Variants in COL14A1 observed in about 807,000 individuals in gnomAD.
COL14A1 encodes the protein collagen type XIV alpha 1 chain.
Under a neutral mutation model 230.3 loss-of-function variants are expected in COL14A1, and 136 were observed. That is an observed-to-expected ratio of 0.59 (90% CI 0.51 to 0.68). COL14A1 has a LOEUF of 0.68. COL14A1 is among the 30% of genes least tolerant of loss of function. The probability of loss-of-function intolerance (pLI) is 0.00; values close to 1 mark genes in which losing one functional copy is unlikely to be tolerated. For synonymous variants in COL14A1, 792 were observed against 784.1 expected (o/e 1.01, Z -0.17); for missense variants, 1,976 against 2,215.8 (o/e 0.89, Z 2.17).
At chr8:120,217,762 T>A (rs35784860) in intron 14 of COL14A1, among the ~76,000 whole-genome samples, 60,714 of 151,446 alleles carry the variant, frequency 0.4, 12,550 homozygotes, top group Middle Eastern at 0.48. Flanking sequence ...AAAAAAACAC[T>A]GAGCTATAGG....
chr8:120,159,626 C>T (rs1815591777), intron 3 of COL14A1, among the ~76,000 whole-genome samples: 1 of 152,064 alleles, frequency 6.6e-6, no homozygotes, highest in African/African-American at 2.4e-5. Flanking sequence ...TCAAACAAGA[C>T]AAGCAGATGA....
chr8:120,149,623 T>G (rs1375224077), intron 2 of COL14A1, among the ~76,000 whole-genome samples: 1 of 152,172 alleles, frequency 6.6e-6, no homozygotes, highest in Admixed American at 6.5e-5. Flanking sequence ...TATATAGCTC[T>G]TACGGGATAC....
Position 120,325,380 on chromosome 8 carries a change from T to A in COL14A1, c.4660-6761T>A, listed in dbSNP as rs964516556. Among the ~76,000 whole-genome samples, 6 of 152,206 alleles carry A rather than the reference T, an allele frequency of 3.9e-5. 1 individual carries two copies. Among genetic ancestry groups the A allele is most frequent in the African/African-American group, 1.2e-4 (5 of 41,454 alleles). On this transcript the variant is annotated intron_variant, in intron 40 of 47. Transcript: ENST00000297848. ...TGGGTGACTAATTTCATGCATTTTT[T>A]AAAAAAGTCAGCCTAAGTGAATTCA...
intron 19 of COL14A1, 41 bp from the exon 20 acceptor site, chr8:120,243,838 C>A: frequency 6.2e-7 from 1 of 1,601,882 alleles, no homozygotes. Flanking sequence ...TCAGTGGAAA[C>A]GGGTCTCACT....
Position 120,371,301 on chromosome 8 carries a change from A to G in COL14A1, c.*70A>G, listed in dbSNP as rs1180949378. 7 of 1,326,992 alleles carry G rather than the reference A, an allele frequency of 5.3e-6. No homozygotes were observed. The highest frequency in any genetic ancestry group is 7.5e-6 in the Non-Finnish European group (7 of 938,104). 82.2% of individuals were successfully genotyped at this position (1,326,992 alleles called of 1,614,324 possible). ...GAATCTTGTTTGAGAAAATGTTGTT[A>G]TGTGGTTTGTATGCTACTTTTGGGG... On this transcript the variant is annotated 3_prime_UTR_variant, in exon 48 of 48. Transcript: ENST00000297848.
At chr8:120,338,548 G>T (rs1822164312) in intron 42 of COL14A1, among the ~76,000 whole-genome samples, 1 of 152,132 alleles carries the variant, frequency 6.6e-6, no homozygotes, top group South Asian at 2.1e-4. Context: ...AATCTTATAG[G>T]AGTATTATAA....
At chr8:120,197,114 AT>A (rs1432524289) in intron 6 of COL14A1, among the ~76,000 whole-genome samples, 168 bp downstream of exon 6, 1 of 152,124 alleles carries the variant, frequency 6.6e-6, no homozygotes, top group Admixed American at 6.5e-5. Context: ...ATTCCTTCTA[AT>A]TTTTGCAATG....
intron 2 of COL14A1, among the ~76,000 whole-genome samples, chr8:120,149,322 G>C (rs957991232): frequency 3.3e-5 from 5 of 152,156 alleles, no homozygotes; most frequent in African/African-American, 4.8e-5. Context: ...TTGACTTTTT[G>C]CATCCACAAA....
At chr8:120,298,721 G>A (rs1820613298) in intron 35 of COL14A1, among the ~76,000 whole-genome samples, 2 of 147,732 alleles carry the variant, frequency 1.4e-5, no homozygotes, top group Admixed American at 1.4e-4. Flanking sequence ...CAGTAGTCAT[G>A]TCTTAATAAT....
At chr8:120,227,631 A>C (rs1237253478) in intron 17 of COL14A1, among the ~76,000 whole-genome samples, 2 of 152,220 alleles carry the variant, frequency 1.3e-5, no homozygotes, top group Non-Finnish European at 2.9e-5. Context: ...TTAACTGTAG[A>C]GTAAACACCC....
chr8:120,177,864 G>T (rs1018276184), intron 5 of COL14A1, among the ~76,000 whole-genome samples: 3 of 151,748 alleles, frequency 2.0e-5, no homozygotes, highest in Non-Finnish European at 4.4e-5. Context: ...GAGTTCTGAA[G>T]AGCATAAACA....
chr8:120,275,619 A>G (rs538295417), intron 26 of COL14A1, among the ~76,000 whole-genome samples: 62 of 151,858 alleles, frequency 4.1e-4, no homozygotes, highest in Non-Finnish European at 7.2e-4. Context: ...TACAAGAAAC[A>G]CACACAAATC....
At chr8:120,152,135 AATTT>A (rs1341346344) in intron 2 of COL14A1, among the ~76,000 whole-genome samples, 8 of 152,102 alleles carry the variant, frequency 5.3e-5, no homozygotes, top group Non-Finnish European at 5.9e-5. Context: ...AAGATTTTGA[AATTT>A]ATTATAGTAA....
chr8:120,307,077 C>T (rs752626969), intron 36 of COL14A1, among the ~76,000 whole-genome samples: 11 of 152,172 alleles, frequency 7.2e-5, no homozygotes, highest in African/African-American at 1.9e-4. Context: ...GGCTGCTAGA[C>T]GACTTCATCA....
chr8:120,212,605 T>G, intron 13 of COL14A1, 28 bp downstream of exon 13: 1 of 1,612,134 alleles, frequency 6.2e-7, no homozygotes, highest in Non-Finnish European at 8.5e-7. Context: ...TCAGTTGGGA[T>G]GCTGTAGTAA....
chr8:120,292,707 G>A (rs1002808973), intron 34 of COL14A1, among the ~76,000 whole-genome samples: 1 of 152,166 alleles, frequency 6.6e-6, no homozygotes, highest in African/African-American at 2.4e-5. Flanking sequence ...ATTCTAGGAG[G>A]AGTAATTATT....
chr8:120,276,741 G>T lies in COL14A1; in HGVS notation c.3214-1370G>T, dbSNP rs1467537821. Among the ~76,000 whole-genome samples the T allele has an allele frequency of 2.0e-5, 3 of 151,622 alleles. No individual in the cohort carries two copies. The East Asian group carries it at 5.8e-4, about 30-fold the overall frequency. On this transcript the variant is annotated intron_variant, in intron 26 of 47. Coordinates refer to ENST00000297848, the MANE Select transcript of COL14A1 (RefSeq NM_021110.4). ...AGGAGATATACCTAATGTAAATGAC[G>T]AGTTAATGGGTGCAGCACACCAACA...
rs565965860 is a variant in COL14A1 at position 120,198,933 on chromosome 8, G to C, written c.713-469G>C. On this transcript the variant is annotated intron_variant, in intron 7 of 47. Coordinates refer to ENST00000297848, the MANE Select transcript of COL14A1 (RefSeq NM_021110.4). ...TTTCTTATTTTTTTCTGGATGGAAA[G>C]TGTCATGCTCAAAAGGCAGGAGTAC... Among the ~76,000 whole-genome samples the C allele has an allele frequency of 3.5e-4, 54 of 152,274 alleles. No homozygotes were observed. The East Asian group carries it at 9.5e-3, about 27-fold the overall frequency.
In COL14A1 at chr8:120,325,989, T is replaced by G. The variant is rs1821655636; in HGVS notation, c.4660-6152T>G. 2.0e-5 allele frequency among the ~76,000 whole-genome samples: 3 copies of G among 152,204 alleles called. No individual in the cohort carries two copies. The South Asian group carries it at 6.2e-4, about 32-fold the overall frequency. ...AATGACAAAGCTAGAATTTGCCCAT[T>G]AATTTACCCTACAAAATGCAGTTAT... On this transcript the variant is annotated intron_variant, in intron 40 of 47. Coordinates refer to ENST00000297848, the MANE Select transcript of COL14A1 (RefSeq NM_021110.4).
Sources: gnomAD v4.1 joint callset for allele counts (sites outside exome capture counted in the v4.1 genomes callset) on GRCh38, gnomAD v4.1.1 for gene constraint, MANE v1.5 for transcripts, NCBI Gene and HGNC (gene_info 2026-07-23, HGNC 2026-07-21) for gene names.